Variants in NRCAM observed in about 807,000 individuals in gnomAD.
NRCAM encodes the protein neuronal cell adhesion molecule, also known as NgCAM-related cell adhesion molecule.
Under a neutral mutation model 156.5 loss-of-function variants are expected in NRCAM, and 83 were observed. That is an observed-to-expected ratio of 0.53 (90% CI 0.44 to 0.64). NRCAM has a LOEUF of 0.64. NRCAM is among the 30% of genes least tolerant of loss of function. The pLI is 0.00. For missense variants in NRCAM, 1,417 were observed against 1,597.3 expected, an observed-to-expected ratio of 0.89 and a Z score of 1.92; for synonymous variants, 538 against 563.9, an observed-to-expected ratio of 0.95 and a Z score of 0.65.
Position 108,184,291 on chromosome 7 carries a change from C to T in NRCAM, c.2254G>A (p.Ala752Thr), listed in dbSNP as rs747779817. The T allele has an allele frequency of 5.0e-6, 8 of 1,614,158 alleles. No homozygotes were observed. Among genetic ancestry groups the T allele is most frequent in the Non-Finnish European group, 5.9e-6 (7 of 1,180,024 alleles). ...KASEPDKNPT[A>T]VEGLGSEPDN... ...GGCTCTGATCCCAGTCCTTCCACAG[C>T]TGTGGGGTTTTTATCTGGTTCTGGA... The change falls in exon 22 of 33, where the codon GCT (alanine) becomes ACT (threonine). Residue 752 changes from alanine (A) to threonine (T), a missense_variant. Coordinates refer to ENST00000379028, the MANE Select transcript of NRCAM (RefSeq NM_001037132.4).
At chr7:108,438,451 T>A (rs143461822) in intron 1 of NRCAM, among the ~76,000 whole-genome samples, 3,376 of 152,088 alleles carry the variant, frequency 0.022, 53 homozygotes, top group African/African-American at 0.032. Flanking sequence ...TTTAACAAAA[T>A]CCCTTTCATG....
At chr7:108,184,332 C>A in intron 21 of NRCAM, 21 bp from the exon 22 acceptor site, 1 of 1,613,914 alleles carries the variant, frequency 6.2e-7, no homozygotes, top group Non-Finnish European at 8.5e-7. Context: ...AGCAGCCACA[C>A]ATGTGTAAGC....
At chr7:108,400,222 T>A (rs1288935218) in intron 1 of NRCAM, among the ~76,000 whole-genome samples, 1 of 152,230 alleles carries the variant, frequency 6.6e-6, no homozygotes, top group East Asian at 1.9e-4. Context: ...AGAAGCCAAC[T>A]AACAGGTGTG....
chr7:108,209,595 T>C lies in NRCAM; in HGVS notation c.901A>G (p.Ile301Val), dbSNP rs149762525. The C allele has an allele frequency of 8.0e-5, 129 of 1,607,488 alleles. No individual in the cohort carries two copies. In the African/African-American group the frequency reaches 9.4e-4, roughly 12 times the overall value. The part of the protein sequence containing the change: ...ECIAEGLPTP[I>V]IYWAKEDGML... ...CCATCTTCCTTTGCCCAGTAAATAA[T>C]TGGGGTAGGCCTGATAGGATAAATA... The change falls in exon 12 of 33, where the codon ATT becomes GTT. Residue 301 changes from isoleucine to valine, a missense_variant. Physicochemically the swap from Ile to Val is conservative, Grantham distance 29. Around this residue, in one of 2 missense-constraint regions of NRCAM, gnomAD observed 1,238 missense variants for 1,336.4 expected, o/e 0.93. Transcript: ENST00000379028.
At chr7:108,442,585 A>G (rs530449937) in intron 1 of NRCAM, among the ~76,000 whole-genome samples, 1 of 152,328 alleles carries the variant, frequency 6.6e-6, no homozygotes, top group East Asian at 1.9e-4. Flanking sequence ...TAGATTAACC[A>G]TTCAAAGTAG....
intron 3 of NRCAM, among the ~76,000 whole-genome samples, chr7:108,255,302 G>A (rs932976715): frequency 1.5e-4 from 23 of 152,236 alleles, no homozygotes; most frequent in Non-Finnish European, 2.9e-4. Context: ...GAGTGCCTGG[G>A]ATTGCAGGTG....
intron 1 of NRCAM, among the ~76,000 whole-genome samples, chr7:108,403,213 A>C (rs1422312720): frequency 6.6e-6 from 1 of 152,220 alleles, no homozygotes; most frequent in African/African-American, 2.4e-5. Flanking sequence ...TGTTAGAAAC[A>C]AGTGAAGCCT....
At chr7:108,365,076 T>G (rs575895269) in intron 2 of NRCAM, among the ~76,000 whole-genome samples, 2 of 152,316 alleles carry the variant, frequency 1.3e-5, no homozygotes, top group African/African-American at 4.8e-5. Flanking sequence ...TACAAGCTCA[T>G]GGTGCTGGGG....
At chr7:108,333,765 A>G (rs2099150417) in intron 2 of NRCAM, among the ~76,000 whole-genome samples, 1 of 152,220 alleles carries the variant, frequency 6.6e-6, no homozygotes, top group Non-Finnish European at 1.5e-5. Flanking sequence ...CCAAGTTAAG[A>G]GTTCCTAAAA....
intron 1 of NRCAM, among the ~76,000 whole-genome samples, chr7:108,453,559 C>T (rs1329011672): frequency 2.6e-5 from 4 of 152,174 alleles, no homozygotes; most frequent in Non-Finnish European, 5.9e-5. Context: ...GAGGCTGAGC[C>T]CTATTGCAGT....
At chr7:108,157,352 T>C (rs1208445603) in intron 32 of NRCAM, among the ~76,000 whole-genome samples, 1 of 152,062 alleles carries the variant, frequency 6.6e-6, no homozygotes, top group Admixed American at 6.6e-5. Flanking sequence ...GACAAAGACA[T>C]ATGACCAAAT....
At chr7:108,248,384 C>T (rs542688290) in intron 3 of NRCAM, among the ~76,000 whole-genome samples, 11 of 152,038 alleles carry the variant, frequency 7.2e-5, no homozygotes, top group Admixed American at 3.9e-4. Flanking sequence ...AGGGTAGGGA[C>T]GCAGTGTACA....
At chr7:108,417,457 G>A (rs1803041891) in intron 1 of NRCAM, among the ~76,000 whole-genome samples, 1 of 152,152 alleles carries the variant, frequency 6.6e-6, no homozygotes, top group African/African-American at 2.4e-5. Flanking sequence ...CTATAAGGGT[G>A]GAGCCCTCAT....
intron 8 of NRCAM, among the ~76,000 whole-genome samples, chr7:108,230,058 A>G (rs1312148484): frequency 6.6e-6 from 1 of 152,222 alleles, no homozygotes; most frequent in Non-Finnish European, 1.5e-5. Flanking sequence ...TAAAGGCCCA[A>G]TAACTATTAG....
At chr7:108,314,640 A>T (rs2098863659) in intron 2 of NRCAM, among the ~76,000 whole-genome samples, 1 of 152,248 alleles carries the variant, frequency 6.6e-6, no homozygotes, top group Admixed American at 6.5e-5. Flanking sequence ...TGAAAAGTGA[A>T]TACTTGCCTT....
chr7:108,356,897 G>A (rs938797746), intron 2 of NRCAM, among the ~76,000 whole-genome samples: 6 of 152,184 alleles, frequency 3.9e-5, no homozygotes, highest in African/African-American at 1.4e-4. Context: ...GGCCCTTTGG[G>A]AAGTATTTAG....
intron 32 of NRCAM, among the ~76,000 whole-genome samples, chr7:108,157,732 A>C (rs769138767): frequency 4.6e-5 from 7 of 152,144 alleles, no homozygotes; most frequent in African/African-American, 9.7e-5. Flanking sequence ...ACATGACCTC[A>C]GATCATGGTT....
At chr7:108,248,754 C>A (rs967978211) in intron 3 of NRCAM, among the ~76,000 whole-genome samples, 6 of 152,158 alleles carry the variant, frequency 3.9e-5, no homozygotes, top group Non-Finnish European at 5.9e-5. Context: ...ACCCATTGAC[C>A]AGAAGTAGTC....
In NRCAM at chr7:108,165,475, CT is replaced by C. The variant is rs562537339; in HGVS notation, c.3466+1445del. ...CCCATTACTATTATTAGCATTCCAG[CT>C]ATATATGAAGATAATATCTACTTGA... is the stretch of plus-strand genomic sequence containing the variant. On this transcript the variant is annotated intron_variant, in intron 30 of 32. Transcript: ENST00000379028. 2.9e-4 allele frequency among the ~76,000 whole-genome samples: 44 copies of C among 152,170 alleles called. No homozygotes were observed. In the South Asian group the frequency reaches 4.8e-3, roughly 16 times the overall value.
Sources: gnomAD v4.1 joint callset for allele counts (sites outside exome capture counted in the v4.1 genomes callset) on GRCh38, gnomAD v4.1.1 for gene constraint, gnomAD v4.1.1 regional missense constraint, MANE v1.5 for transcripts, NCBI Gene and HGNC (gene_info 2026-07-23, HGNC 2026-07-21) for gene names.